The following COPS4 variants were observed in gnomAD, a reference collection of about 807,000 sequenced individuals.
COPS4 encodes COP9 signalosome complex subunit 4.
Under a neutral mutation model 55.1 loss-of-function variants are expected in COPS4, and 8 were observed. The ratio of observed to expected loss-of-function variants is 0.15; its 90% CI spans 0.09 to 0.26. The LOEUF is 0.26. Ranked by LOEUF, COPS4 falls within the 10% of genes least tolerant of loss-of-function variation. COPS4 has a pLI of 1.00. For missense variants in COPS4, 248 were observed against 484.0 expected, an observed-to-expected ratio of 0.51 and a Z score of 4.58; for synonymous variants, 185 against 165.7, an observed-to-expected ratio of 1.12 and a Z score of -0.90.
In COPS4 at chr4:83,057,085, AG is replaced by A; in HGVS notation, c.564+7del. On this transcript the variant is annotated splice_region_variant and intron_variant, in intron 5 of 9. Coordinates refer to ENST00000264389, the MANE Select transcript of COPS4 (RefSeq NM_016129.3). ...AATTACAGATACATTATAAGGTAACAGATGAGTTGATTTGGAATTACTTTTG... is the reference window on the plus strand; with the variant it reads ...AATTACAGATACATTATAAGGTAACAATGAGTTGATTTGGAATTACTTTTG... The A allele has an allele frequency of 6.2e-7, 1 of 1,608,836 alleles. No homozygotes were observed. The highest frequency in any genetic ancestry group is 8.5e-7 in the Non-Finnish European group (1 of 1,176,416).
At chr4:83,067,549 A>G (rs373204289) in intron 8 of COPS4, among the ~76,000 whole-genome samples, 26 of 149,800 alleles carry the variant, frequency 1.7e-4, no homozygotes, top group African/African-American at 6.4e-4. Context: ...TTTTTTAAAG[A>G]AACAGGGTCT....
At chr4:83,038,382 C>T (rs1345072000) in intron 1 of COPS4, among the ~76,000 whole-genome samples, 3 of 152,162 alleles carry the variant, frequency 2.0e-5, no homozygotes, top group Non-Finnish European at 4.4e-5. Context: ...GGTCACACAG[C>T]TAGTGGTGAA....
chr4:83,064,357 A>G (rs1731245134), intron 7 of COPS4, among the ~76,000 whole-genome samples: 1 of 152,166 alleles, frequency 6.6e-6, no homozygotes, highest in African/African-American at 2.4e-5. Context: ...TGATAAATAT[A>G]TAAAACATAA....
At chr4:83,050,713 G>A (rs1302183565) in intron 4 of COPS4, among the ~76,000 whole-genome samples, 1 of 152,110 alleles carries the variant, frequency 6.6e-6, no homozygotes, top group African/African-American at 2.4e-5. Flanking sequence ...GGAGGCCAGT[G>A]TGGATAGAGT....
intron 6 of COPS4, among the ~76,000 whole-genome samples, chr4:83,060,854 G>A (rs1731148697): frequency 6.6e-6 from 1 of 151,580 alleles, no homozygotes; most frequent in Non-Finnish European, 1.5e-5. Context: ...GACTAACATG[G>A]AGAAACCTCG....
At chr4:83,049,858 G>C in intron 3 of COPS4, 23 bp from the exon 4 acceptor site, 2 of 1,327,256 alleles carry the variant, frequency 1.5e-6, no homozygotes, top group Non-Finnish European at 2.1e-6. Flanking sequence ...GAAATAATTT[G>C]ACATGTATAC....
chr4:83,043,306 C>T (rs1730612708), intron 1 of COPS4, among the ~76,000 whole-genome samples: 1 of 151,632 alleles, frequency 6.6e-6, no homozygotes, highest in Non-Finnish European at 1.5e-5. Flanking sequence ...TGCTTGAGTC[C>T]AGAAGTTGGA....
intron 1 of COPS4, among the ~76,000 whole-genome samples, chr4:83,043,574 T>G (rs1730626236): frequency 6.7e-6 from 1 of 149,156 alleles, no homozygotes; most frequent in Non-Finnish European, 1.5e-5. Context: ...CAACTTAGGT[T>G]AATTAGCAAA....
At chr4:83,054,439 A>G (rs891655847) in intron 4 of COPS4, among the ~76,000 whole-genome samples, 11 of 152,198 alleles carry the variant, frequency 7.2e-5, no homozygotes, top group African/African-American at 2.7e-4. Context: ...TTCTTCATTA[A>G]TATTTGCAAT....
At chr4:83,036,251 T>C (rs927114881) in intron 1 of COPS4, among the ~76,000 whole-genome samples, 58 of 67,164 alleles carry the variant, frequency 8.6e-4, no homozygotes, top group African/African-American at 3.3e-3. Context: ...CTGGGCAACA[T>C]AGTGAGACCC....
intron 8 of COPS4, among the ~76,000 whole-genome samples, chr4:83,067,182 C>T (rs1052031755): frequency 1.3e-5 from 2 of 152,038 alleles, no homozygotes; most frequent in African/African-American, 4.8e-5. Context: ...ATCTTCCTGT[C>T]TCAGACTCCC....
intron 8 of COPS4, among the ~76,000 whole-genome samples, chr4:83,067,498 A>G (rs554617412): frequency 1.3e-5 from 2 of 148,330 alleles, no homozygotes; most frequent in South Asian, 4.3e-4. Flanking sequence ...TGCTGGGATT[A>G]CAAGTGTGAG....
chr4:83,066,635 G>C, intron 8 of COPS4, 82 bp downstream of exon 8: 1 of 675,094 alleles, frequency 1.5e-6, no homozygotes, highest in Non-Finnish European at 2.5e-6. Flanking sequence ...ATAAATGTTG[G>C]AAACAACATT....
At chr4:83,063,029 T>C in intron 6 of COPS4, 47 bp from the exon 7 acceptor site, 7 of 1,467,180 alleles carry the variant, frequency 4.8e-6, no homozygotes, top group South Asian at 1.4e-5. Flanking sequence ...TGAAGAAACA[T>C]TGTGAAAATA....
chr4:83,071,706 A>G (rs1047848804), intron 9 of COPS4, among the ~76,000 whole-genome samples: 1 of 148,792 alleles, frequency 6.7e-6, no homozygotes, highest in Admixed American at 6.7e-5. Flanking sequence ...GGTATGAGCT[A>G]TTGTGCCTGG....
At chr4:83,046,665 AGGAATTTTATAGTGAGTTCACAT>A (rs1318922980) in intron 2 of COPS4, among the ~76,000 whole-genome samples, 5 of 152,182 alleles carry the variant, frequency 3.3e-5, no homozygotes, top group African/African-American at 9.6e-5. Context: ...CATTATCCTA[AGGAATTTTATAGTGAGTTCACAT>A]GGAATTTTAT....
intron 1 of COPS4, among the ~76,000 whole-genome samples, chr4:83,036,258 AC>A (rs33940074): frequency 0.023 from 3,367 of 146,306 alleles, 51 homozygotes; most frequent in African/African-American, 0.029. Flanking sequence ...ACATAGTGAG[AC>A]CCCCCCCCCC....
intron 4 of COPS4, among the ~76,000 whole-genome samples, chr4:83,053,763 C>T (rs1211744074): frequency 1.5e-5 from 2 of 135,154 alleles, no homozygotes; most frequent in African/African-American, 5.6e-5. Context: ...TCATTTGAAC[C>T]CGGGATGTGG....
chr4:83,075,143 AT>A (rs937604025), intron 9 of COPS4, among the ~76,000 whole-genome samples, 153 bp from the exon 10 acceptor site: 4 of 151,870 alleles, frequency 2.6e-5, no homozygotes, highest in Admixed American at 6.6e-5. Context: ...TATTGTTTTT[AT>A]TTTTTTTGAA....
Sources: gnomAD v4.1 joint callset for allele counts (sites outside exome capture counted in the v4.1 genomes callset) on GRCh38, gnomAD v4.1.1 for gene constraint, MANE v1.5 for transcripts, NCBI Gene and HGNC (gene_info 2026-07-23, HGNC 2026-07-21) for gene names.